The following CTNNA2 variants were observed in gnomAD, a reference collection of about 807,000 sequenced individuals.
The protein encoded by CTNNA2 is catenin alpha-2.
CTNNA2 carries 42 observed loss-of-function variants against 101.0 expected under a neutral mutation model. That is an observed-to-expected ratio of 0.42 (90% CI 0.32 to 0.54). The LOEUF (loss-of-function observed/expected upper bound fraction) is 0.54. Ranked by LOEUF, CTNNA2 falls within the 20% of genes least tolerant of loss-of-function variation. CTNNA2 has a pLI of 0.14. For synonymous variants in CTNNA2, 450 were observed against 456.4 expected, an observed-to-expected ratio of 0.99 and a Z score of 0.18; for missense variants, 871 against 1,223.1, an observed-to-expected ratio of 0.71 and a Z score of 4.29.
chr2:79,756,219 G>A (rs1253144030), intron 3 of CTNNA2, among the ~76,000 whole-genome samples: 5 of 152,094 alleles, frequency 3.3e-5, no homozygotes, highest in Non-Finnish European at 5.9e-5. Context: ...AGCAACAATA[G>A]CAATGGTTTA....
intron 1 of CTNNA2, among the ~76,000 whole-genome samples, chr2:79,629,096 T>C (rs1047657623): frequency 6.6e-6 from 1 of 152,210 alleles, no homozygotes; most frequent in African/African-American, 2.4e-5. Context: ...CTTCCGTCCC[T>C]TCCCCTTATT....
chr2:80,396,650 A>T (rs528525341), intron 8 of CTNNA2, among the ~76,000 whole-genome samples: 1 of 152,320 alleles, frequency 6.6e-6, no homozygotes, highest in East Asian at 1.9e-4. Flanking sequence ...AATTACAGGG[A>T]TGCTAGTTGA....
chr2:80,097,366 G>A (rs889728221), intron 7 of CTNNA2, among the ~76,000 whole-genome samples: 4 of 152,160 alleles, frequency 2.6e-5, no homozygotes, highest in Admixed American at 6.5e-5. Context: ...AGTTTCTGCC[G>A]AGAGATCAGC....
chr2:80,636,484 AG>A (rs1218513871), intron 18 of CTNNA2, among the ~76,000 whole-genome samples: 8 of 152,106 alleles, frequency 5.3e-5, no homozygotes, highest in South Asian at 2.1e-4. Flanking sequence ...CCAAACAAGA[AG>A]GGGGCTCCCT....
At chr2:79,301,020 T>C (rs772705553) in intron 2 of CTNNA2, among the ~76,000 whole-genome samples, 1 of 152,202 alleles carries the variant, frequency 6.6e-6, no homozygotes, top group Non-Finnish European at 1.5e-5. Context: ...CTCTTTTCTC[T>C]TTCTGAAATG....
At chr2:79,789,657 G>T (rs114625052) in intron 3 of CTNNA2, among the ~76,000 whole-genome samples, 1 of 152,088 alleles carries the variant, frequency 6.6e-6, no homozygotes, top group East Asian at 1.9e-4. Flanking sequence ...CTATGTGGTA[G>T]TGCAAAGGAC....
chr2:80,483,163 T>C (rs1421058298), intron 9 of CTNNA2, among the ~76,000 whole-genome samples: 1 of 152,076 alleles, frequency 6.6e-6, no homozygotes, highest in Non-Finnish European at 1.5e-5. Flanking sequence ...GTAGTGAACA[T>C]TTTGTACCTT....
chr2:80,606,000 T>G (rs1697971260), intron 16 of CTNNA2, among the ~76,000 whole-genome samples: 1 of 151,772 alleles, frequency 6.6e-6, no homozygotes, highest in Non-Finnish European at 1.5e-5. Flanking sequence ...AAAGTTCATG[T>G]AGAGGAGGGA....
intron 7 of CTNNA2, 87 bp from the exon 8 acceptor site, chr2:80,393,124 T>C: frequency 5.2e-6 from 5 of 961,680 alleles, no homozygotes; most frequent in Non-Finnish European, 7.7e-6. Context: ...TGAATTTAAC[T>C]TCTCATGTTT....
chr2:80,387,786 A>G (rs146662989), intron 7 of CTNNA2, among the ~76,000 whole-genome samples: 102 of 152,324 alleles, frequency 6.7e-4, no homozygotes, highest in African/African-American at 2.3e-3. Flanking sequence ...AATTCAAGCC[A>G]TGGATCTTCC....
chr2:80,435,228 G>A (rs1681925861), intron 9 of CTNNA2, among the ~76,000 whole-genome samples: 1 of 152,154 alleles, frequency 6.6e-6, no homozygotes, highest in African/African-American at 2.4e-5. Flanking sequence ...CACACTCAGT[G>A]CCCTATACCT....
intron 7 of CTNNA2, among the ~76,000 whole-genome samples, chr2:80,165,085 A>G (rs925441790): frequency 5.3e-5 from 8 of 151,874 alleles, no homozygotes; most frequent in Non-Finnish European, 1.2e-4. Flanking sequence ...TTATATTTCC[A>G]GACACATTTT....
rs70940088 is a variant in CTNNA2 at position 80,569,633 on chromosome 2, G to GTTTTTTTTTTTTTTTTTTTTTTT, written c.1742-4525_1742-4503dup. Among the ~76,000 whole-genome samples the GTTTTTTTTTTTTTTTTTTTTTTT allele has an allele frequency of 3.6e-3, 186 of 51,728 alleles. 48 individuals carry two copies. Among genetic ancestry groups the GTTTTTTTTTTTTTTTTTTTTTTT allele is most frequent in the Middle Eastern group, 0.012 (1 of 84 alleles). The allele number at this position is 51,728 out of a possible 152,430, so 33.9% of individuals were successfully genotyped here. ...TCAGTATTACTTTTGGGGTATTTAG[G>GTTTTTTTTTTTTTTTTTTTTTTT]TTTTTTTTTTTTTTTTTTTTTTTTT... On this transcript the variant is annotated intron_variant, in intron 12 of 18. Transcript: ENST00000402739.
intron 3 of CTNNA2, among the ~76,000 whole-genome samples, chr2:79,776,782 A>G (rs531296159): frequency 6.6e-6 from 1 of 152,200 alleles, no homozygotes; most frequent in African/African-American, 2.4e-5. Flanking sequence ...CCTAGGAGAT[A>G]AAAGTATTAG....
intron 15 of CTNNA2, among the ~76,000 whole-genome samples, chr2:80,595,721 A>G (rs1343420580): frequency 1.3e-5 from 2 of 152,042 alleles, no homozygotes; most frequent in African/African-American, 2.4e-5. Context: ...CTGTTGGTGT[A>G]TATGTGTGTT....
At chr2:79,267,125 C>T (rs1030228636) in intron 2 of CTNNA2, among the ~76,000 whole-genome samples, 7 of 152,050 alleles carry the variant, frequency 4.6e-5, no homozygotes, top group Non-Finnish European at 1.0e-4. Flanking sequence ...ACCTTGAACC[C>T]TCATATTTCT....
At chr2:80,361,608 A>G (rs1573841190) in intron 7 of CTNNA2, among the ~76,000 whole-genome samples, 1 of 152,170 alleles carries the variant, frequency 6.6e-6, no homozygotes, top group Admixed American at 6.6e-5. Context: ...TTTAAAAATC[A>G]TGACATGACA....
At chr2:79,401,258 A>G (rs1678287043) in intron 4 of CTNNA2, among the ~76,000 whole-genome samples, 1 of 151,694 alleles carries the variant, frequency 6.6e-6, no homozygotes, top group South Asian at 2.1e-4. Flanking sequence ...ATACACTTAC[A>G]GTATACCCAC....
At chr2:79,313,848 G>A (rs1676436601) in intron 3 of CTNNA2, among the ~76,000 whole-genome samples, 1 of 152,108 alleles carries the variant, frequency 6.6e-6, no homozygotes, top group Non-Finnish European at 1.5e-5. Flanking sequence ...GGGGAGAAGT[G>A]CACAAAGAGA....
Sources: allele counts gnomAD v4.1 joint callset (sites outside exome capture counted in the v4.1 genomes callset), GRCh38; gene constraint gnomAD v4.1.1; transcripts MANE v1.5; gene names NCBI Gene and HGNC (gene_info 2026-07-23, HGNC 2026-07-21).